The following SDCCAG8 variants were observed in gnomAD, a reference collection of about 807,000 sequenced individuals.
SDCCAG8 encodes SHH signaling and ciliogenesis regulator SDCCAG8.
SDCCAG8 carries 74 observed loss-of-function variants against 101.8 expected under a neutral mutation model. That is an observed-to-expected ratio of 0.73 (90% CI 0.60 to 0.88). The LOEUF is 0.88. SDCCAG8 is among the 40% of genes least tolerant of loss of function. SDCCAG8 has a pLI of 0.00. For missense variants in SDCCAG8, 787 were observed against 822.6 expected (o/e 0.96, Z 0.53); for synonymous variants, 281 against 292.9 (o/e 0.96, Z 0.41).
Position 243,298,677 on chromosome 1 carries a change from G to A in SDCCAG8, c.675+5458G>A, listed in dbSNP as rs556993969. Among the ~76,000 whole-genome samples, 4 of 152,098 alleles carry A rather than the reference G, an allele frequency of 2.6e-5. No individual in the cohort carries two copies. In the South Asian group the frequency reaches 8.3e-4, roughly 32 times the overall value. ...ACCTGGAATTTATTTTTGTATATGGGGTCATAGTTTGTTCTTTTCCTATGT... is the reference window on the plus strand; with the variant it reads ...ACCTGGAATTTATTTTTGTATATGGAGTCATAGTTTGTTCTTTTCCTATGT... On this transcript the variant is annotated intron_variant, in intron 6 of 17. Transcript: ENST00000366541.
intron 5 of SDCCAG8, 94 bp downstream of exon 5, chr1:243,286,491 T>A: frequency 7.3e-7 from 1 of 1,378,726 alleles, no homozygotes; most frequent in Non-Finnish European, 1.0e-6. Flanking sequence ...ATTTTCTCCC[T>A]GAAGTGTGGC....
intron 8 of SDCCAG8, among the ~76,000 whole-genome samples, chr1:243,312,662 C>G (rs918527223): frequency 6.7e-6 from 1 of 149,830 alleles, no homozygotes; most frequent in Non-Finnish European, 1.5e-5. Context: ...GCCAAGATTG[C>G]GCCACTGCAC....
At chr1:243,336,675 GCCCCCCT>G (rs2075036433) in intron 10 of SDCCAG8, among the ~76,000 whole-genome samples, 1 of 152,112 alleles carries the variant, frequency 6.6e-6, no homozygotes, top group Non-Finnish European at 1.5e-5. Context: ...CTCCCACCAG[GCCCCCCT>G]CCAACATCGG....
intron 7 of SDCCAG8, chr1:243,307,606 T>G: frequency 2.0e-6 from 2 of 985,118 alleles, no homozygotes; most frequent in Non-Finnish European, 2.4e-6. Flanking sequence ...TGTCTTATAT[T>G]ACCCCACCCC....
chr1:243,381,701 T>C (rs1366155624), intron 13 of SDCCAG8, among the ~76,000 whole-genome samples: 1 of 152,238 alleles, frequency 6.6e-6, no homozygotes, highest in Non-Finnish European at 1.5e-5. Flanking sequence ...ATGTTTTAAG[T>C]ACTTTGCTTG....
intron 12 of SDCCAG8, among the ~76,000 whole-genome samples, chr1:243,370,475 C>A (rs531357600): frequency 6.6e-6 from 1 of 152,106 alleles, no homozygotes; most frequent in South Asian, 2.1e-4. Context: ...CACCTGAACT[C>A]ATTTTTGTAA....
intron 8 of SDCCAG8, among the ~76,000 whole-genome samples, chr1:243,309,499 T>G (rs6429422): frequency 0.4 from 60,166 of 152,064 alleles, 13,422 homozygotes; most frequent in African/African-American, 0.62. Flanking sequence ...TCACTCAGGT[T>G]GGGGGTGAGT....
chr1:243,447,593 T>C (rs1473673366), intron 16 of SDCCAG8, among the ~76,000 whole-genome samples: 1 of 152,162 alleles, frequency 6.6e-6, no homozygotes, highest in Admixed American at 6.5e-5. Context: ...GGCAGCACTT[T>C]TGCAAATGTG....
At chr1:243,313,103 T>G (rs964350891) in intron 8 of SDCCAG8, among the ~76,000 whole-genome samples, 1 of 152,232 alleles carries the variant, frequency 6.6e-6, no homozygotes, top group African/African-American at 2.4e-5. Flanking sequence ...TTTCTGGGGC[T>G]TTAGTCCAGC....
At chr1:243,314,398 A>C (rs1371344692) in intron 8 of SDCCAG8, among the ~76,000 whole-genome samples, 2 of 152,246 alleles carry the variant, frequency 1.3e-5, no homozygotes, top group East Asian at 1.9e-4. Context: ...TTTGAACCAG[A>C]ACGACTGAAC....
intron 13 of SDCCAG8, among the ~76,000 whole-genome samples, chr1:243,414,520 G>A (rs753911374): frequency 1.3e-5 from 2 of 152,116 alleles, no homozygotes; most frequent in African/African-American, 2.4e-5. Context: ...AGGTGTGGGT[G>A]TATTTTCATT....
At chr1:243,419,099 A>G (rs2080807585) in intron 15 of SDCCAG8, among the ~76,000 whole-genome samples, 1 of 152,078 alleles carries the variant, frequency 6.6e-6, no homozygotes. Flanking sequence ...TAGCTGATAG[A>G]ACCCCCATCC....
chr1:243,317,225 A>G (rs2073332194), intron 9 of SDCCAG8, among the ~76,000 whole-genome samples: 1 of 152,188 alleles, frequency 6.6e-6, no homozygotes. Context: ...ATGTGTTCGT[A>G]TATGACTAAA....
At chr1:243,452,414 CTTTTT>C (rs71574667) in intron 16 of SDCCAG8, among the ~76,000 whole-genome samples, 2 of 66,654 alleles carry the variant, frequency 3.0e-5, no homozygotes, top group African/African-American at 1.2e-4. Flanking sequence ...GATCTCATCT[CTTTTT>C]TTTTTTTTTT....
chr1:243,310,401 C>T (rs1426422623), intron 8 of SDCCAG8, among the ~76,000 whole-genome samples: 1 of 151,796 alleles, frequency 6.6e-6, no homozygotes, highest in Non-Finnish European at 1.5e-5. Flanking sequence ...ATATTATTAC[C>T]CCCGTTTTAT....
intron 4 of SDCCAG8, among the ~76,000 whole-genome samples, chr1:243,281,622 A>G (rs1178170045): frequency 1.3e-5 from 2 of 151,404 alleles, no homozygotes; most frequent in Non-Finnish European, 2.9e-5. Context: ...TCTTTAAAAA[A>G]AATTCACTCT....
At chr1:243,402,406 T>G in intron 13 of SDCCAG8, among the ~76,000 whole-genome samples, 1 of 123,288 alleles carries the variant, frequency 8.1e-6, no homozygotes, top group East Asian at 2.3e-4. Context: ...CTGTCTCAAT[T>G]AAAAAAAAAA....
intron 4 of SDCCAG8, among the ~76,000 whole-genome samples, chr1:243,281,464 G>A (rs1266584144): frequency 3.3e-5 from 5 of 150,832 alleles, no homozygotes; most frequent in Non-Finnish European, 7.4e-5. Flanking sequence ...ACAACATATA[G>A]TTTATTGTTC....
intron 8 of SDCCAG8, among the ~76,000 whole-genome samples, chr1:243,308,646 C>T (rs1026222430): frequency 7.2e-5 from 11 of 152,144 alleles, no homozygotes; most frequent in African/African-American, 1.4e-4. Context: ...ATTATAAGGA[C>T]CCACTGTATC....
Sources: allele counts gnomAD v4.1 joint callset (sites outside exome capture counted in the v4.1 genomes callset), GRCh38; gene constraint gnomAD v4.1.1; transcripts MANE v1.5; gene names NCBI Gene and HGNC (gene_info 2026-07-23, HGNC 2026-07-21).